SAMTOR: variants seen among roughly 807,000 people sequenced by gnomAD.
The protein encoded by SAMTOR is UPF0532 protein C7orf60.
the SAMTOR span, among the ~76,000 whole-genome samples, chr7:112,846,897 A>G: frequency 1.3e-5 from 2 of 152,222 alleles, no homozygotes. Flanking sequence ...ATTAAACTGA[A>G]TTACTCATTT....
the SAMTOR span, chr7:112,822,070 C>G: frequency 1.2e-6 from 2 of 1,613,666 alleles, no homozygotes; most frequent in Non-Finnish European, 1.7e-6. Context: ...CCCAGGGACT[C>G]TATAGCAATC....
the SAMTOR span, among the ~76,000 whole-genome samples, chr7:112,890,230 G>T: frequency 6.6e-6 from 1 of 152,104 alleles, no homozygotes; most frequent in African/African-American, 2.4e-5. Flanking sequence ...CAATCAAGAC[G>T]CACTCTACTG....
chr7:112,915,574 A>T, the SAMTOR span: 1 of 557,174 alleles, frequency 1.8e-6, no homozygotes, highest in East Asian at 3.5e-5. Flanking sequence ...AAACCATAAA[A>T]TTTTAAACAT....
chr7:112,854,640 G>T, the SAMTOR span, among the ~76,000 whole-genome samples: 1 of 152,122 alleles, frequency 6.6e-6, no homozygotes, highest in African/African-American at 2.4e-5. Flanking sequence ...GAATGTAACC[G>T]TCTAATAGCT....
the SAMTOR span, among the ~76,000 whole-genome samples, chr7:112,868,597 C>G: frequency 6.6e-6 from 1 of 152,044 alleles, no homozygotes; most frequent in African/African-American, 2.4e-5. Flanking sequence ...AGGCATTTTC[C>G]CAGACCTAGG....
the SAMTOR span, among the ~76,000 whole-genome samples, chr7:112,874,931 A>G: frequency 6.6e-6 from 1 of 152,188 alleles, no homozygotes; most frequent in South Asian, 2.1e-4. Flanking sequence ...CTTAGGTCAC[A>G]TAACCTGATA....
chr7:112,899,325 T>C, the SAMTOR span, among the ~76,000 whole-genome samples: 1 of 151,892 alleles, frequency 6.6e-6, no homozygotes, highest in Admixed American at 6.6e-5. Flanking sequence ...CTAAACAGAA[T>C]TGATCAAGCA....
At chr7:112,892,983 G>C in the SAMTOR span, among the ~76,000 whole-genome samples, 16 of 152,068 alleles carry the variant, frequency 1.1e-4, no homozygotes, top group Non-Finnish European at 2.4e-4. Context: ...CTCAACACTA[G>C]GCTTTAAATA....
the SAMTOR span, chr7:112,935,307 A>T: frequency 2.7e-6 from 1 of 374,330 alleles, no homozygotes; most frequent in Non-Finnish European, 5.2e-6. Context: ...AAGGAGTCTC[A>T]TTCTAATTTT....
chr7:112,925,349 C>A, the SAMTOR span, among the ~76,000 whole-genome samples: 1 of 152,158 alleles, frequency 6.6e-6, no homozygotes. Flanking sequence ...CCTATAGAAT[C>A]TATACATTAT....
At chr7:112,867,960 T>A in the SAMTOR span, among the ~76,000 whole-genome samples, 3 of 152,264 alleles carry the variant, frequency 2.0e-5, no homozygotes, top group African/African-American at 7.2e-5. Flanking sequence ...AGCATTAGAT[T>A]CTCATAGGAG....
chr7:112,922,537 A>G, the SAMTOR span, among the ~76,000 whole-genome samples: 1 of 148,722 alleles, frequency 6.7e-6, no homozygotes, highest in African/African-American at 2.5e-5. Context: ...CCGCCATCCC[A>G]TCTAGGAAGT....
At chr7:112,913,455 G>T in the SAMTOR span, among the ~76,000 whole-genome samples, 1 of 152,180 alleles carries the variant, frequency 6.6e-6, no homozygotes, top group African/African-American at 2.4e-5. Flanking sequence ...TATTGAAGTA[G>T]TTTTCTAACT....
chr7:112,893,706 G>A, the SAMTOR span, among the ~76,000 whole-genome samples: 7 of 152,080 alleles, frequency 4.6e-5, no homozygotes, highest in African/African-American at 1.2e-4. Context: ...GATCCAGACC[G>A]TCCTGGCCAA....
At chr7:112,922,781 A>G in the SAMTOR span, among the ~76,000 whole-genome samples, 62 of 148,308 alleles carry the variant, frequency 4.2e-4, no homozygotes, top group Non-Finnish European at 4.9e-4. Flanking sequence ...TCTGGGAGGG[A>G]GGTGGGGGTC....
chr7:112,820,209 C>T, the SAMTOR span: 1 of 152,354 alleles, frequency 6.6e-6, no homozygotes, highest in Non-Finnish European at 1.5e-5. Flanking sequence ...TACACTCAAC[C>T]ATTTATATCA....
the SAMTOR span, among the ~76,000 whole-genome samples, chr7:112,890,837 C>T: frequency 6.6e-6 from 1 of 152,002 alleles, no homozygotes; most frequent in East Asian, 1.9e-4. Context: ...ACCACAGGCA[C>T]ATGCCACTAC....
the SAMTOR span, among the ~76,000 whole-genome samples, chr7:112,922,838 C>A: frequency 3.4e-5 from 5 of 146,196 alleles, no homozygotes; most frequent in Admixed American, 6.8e-5. Context: ...GGTGGGGGGT[C>A]AGACCCCCGC....
the SAMTOR span, chr7:112,939,274 G>A: frequency 5.3e-3 from 1,918 of 363,366 alleles, 36 homozygotes; most frequent in African/African-American, 0.037. Flanking sequence ...CCTCCTCTGT[G>A]AGCGTGTATG....
Sources: gnomAD v4.1 joint callset for allele counts (sites outside exome capture counted in the v4.1 genomes callset) on GRCh38, gnomAD v4.1.1 for gene constraint, MANE v1.5 for transcripts, NCBI Gene and HGNC (gene_info 2026-07-23, HGNC 2026-07-21) for gene names.